The following DLGAP2 variants were observed in gnomAD, a reference collection of about 807,000 sequenced individuals.
DLGAP2 encodes DLG associated protein 2, also known as disks large-associated protein 2.
In DLGAP2, 26 loss-of-function variants were observed where a neutral mutation model predicts 100.3. The observed-to-expected ratio is 0.26, with a 90% CI of 0.19 to 0.36. The LOEUF (loss-of-function observed/expected upper bound fraction) is 0.36, where lower values mean the gene tolerates loss of function less well. DLGAP2 is among the 10% of genes least tolerant of loss of function. The pLI is 1.00. For missense variants in DLGAP2, 1,858 were observed against 1,453.2 expected (o/e 1.28, Z -4.53); for synonymous variants, 886 against 630.1 (o/e 1.41, Z -6.08).
intron 3 of DLGAP2, among the ~76,000 whole-genome samples, chr8:1,289,613 G>C (rs938672096): frequency 6.6e-6 from 1 of 152,182 alleles, no homozygotes; most frequent in Non-Finnish European, 1.5e-5. Context: ...TGTCCCTGGG[G>C]GCTGGCCTGG....
chr8:1,388,815 G>T lies in DLGAP2; in HGVS notation c.107-112551G>T, dbSNP rs1185063818. On this transcript the variant is annotated intron_variant, in intron 3 of 14. Coordinates refer to ENST00000637795, the MANE Select transcript of DLGAP2 (RefSeq NM_001346810.2). Reference sequence around the variant, plus strand: ...GTCAGGGCTGTGAGAGGCAGAGGCCGTGGATGAGGAGGCGCTGGTTCAGGT... The same window carrying T: ...GTCAGGGCTGTGAGAGGCAGAGGCCTTGGATGAGGAGGCGCTGGTTCAGGT... 3.2e-5 allele frequency among the ~76,000 whole-genome samples: 4 copies of T among 123,728 alleles called. No homozygotes were observed. The South Asian group carries it at 9.8e-4, about 30-fold the overall frequency. 81.2% of individuals were successfully genotyped at this position (123,728 alleles called of 152,430 possible). A position where few individuals can be genotyped will look rare whatever the true frequency, so the allele number is the denominator to read the frequency against.
chr8:960,237 C>CTTTTTTTTTTTTGTTTTTTTTTTTTT (rs1799692405), intron 2 of DLGAP2, among the ~76,000 whole-genome samples: 1 of 44,640 alleles, frequency 2.2e-5, no homozygotes, highest in African/African-American at 8.8e-5. Context: ...TGAAGTATAT[C>CTTTTTTTTTTTTGTTTTTTTTTTTTT]TTTTTTTTTT....
chr8:1,222,283 C>A (rs1041910833), intron 2 of DLGAP2, among the ~76,000 whole-genome samples: 1 of 152,084 alleles, frequency 6.6e-6, no homozygotes, highest in African/African-American at 2.4e-5. Context: ...GATGCCCTTG[C>A]GAGTTTGACT....
At chr8:1,435,319 C>T (rs1184279183) in intron 3 of DLGAP2, among the ~76,000 whole-genome samples, 2 of 152,192 alleles carry the variant, frequency 1.3e-5, no homozygotes, top group Admixed American at 6.5e-5. Flanking sequence ...GCTTTATAAC[C>T]TCCCACACCG....
intron 12 of DLGAP2, chr8:1,678,870 A>G (rs1384215448): frequency 1.3e-5 from 6 of 447,238 alleles, no homozygotes; most frequent in Non-Finnish European, 1.9e-5. Flanking sequence ...TTGAATAGAA[A>G]ATCAACTGTG....
At chr8:837,981 C>G (rs935240924) in intron 1 of DLGAP2, among the ~76,000 whole-genome samples, 1 of 151,074 alleles carries the variant, frequency 6.6e-6, no homozygotes, top group East Asian at 1.9e-4. Context: ...CCTGCCTTGG[C>G]CTCCCAAAGT....
At chr8:800,278 A>G (rs7009367) in intron 1 of DLGAP2, among the ~76,000 whole-genome samples, 38,180 of 152,160 alleles carry the variant, frequency 0.25, 6,040 homozygotes, top group African/African-American at 0.44. Flanking sequence ...ATGTACAGAC[A>G]TTGTGTTTTC....
chr8:968,191 C>G (rs923792046), intron 2 of DLGAP2, among the ~76,000 whole-genome samples: 2 of 152,048 alleles, frequency 1.3e-5, no homozygotes, highest in African/African-American at 4.8e-5. Context: ...CTGACTTTTA[C>G]TGAATACAAG....
chr8:1,139,588 T>A (rs1796485196), intron 2 of DLGAP2, among the ~76,000 whole-genome samples: 1 of 152,180 alleles, frequency 6.6e-6, no homozygotes, highest in Admixed American at 6.5e-5. Context: ...TGTGTGAATC[T>A]TGAGGGTACA....
chr8:1,322,233 A>G (rs1304393908), intron 3 of DLGAP2, among the ~76,000 whole-genome samples: 6 of 152,266 alleles, frequency 3.9e-5, no homozygotes, highest in Non-Finnish European at 8.8e-5. Flanking sequence ...CATTTAATAG[A>G]AATTCGAGTA....
chr8:1,594,934 G>C (rs1796403927), intron 6 of DLGAP2, among the ~76,000 whole-genome samples: 2 of 152,168 alleles, frequency 1.3e-5, no homozygotes, highest in Admixed American at 6.6e-5. Context: ...GGGGTCTCCA[G>C]CTGTCAGCAG....
intron 3 of DLGAP2, among the ~76,000 whole-genome samples, chr8:1,445,330 A>T (rs1404296534): frequency 1.2e-4 from 17 of 146,140 alleles, no homozygotes; most frequent in African/African-American, 3.8e-4. Context: ...ATGAGTGAGA[A>T]CATGCAGTGT....
chr8:1,560,795 A>G (rs1235071279), intron 5 of DLGAP2, among the ~76,000 whole-genome samples: 2 of 152,208 alleles, frequency 1.3e-5, no homozygotes, highest in Non-Finnish European at 2.9e-5. Flanking sequence ...TGAACAAAAC[A>G]TTGGCAAATG....
At chr8:927,070 T>A (rs1423544949) in intron 2 of DLGAP2, 6 of 985,050 alleles carry the variant, frequency 6.1e-6, no homozygotes, top group Non-Finnish European at 7.2e-6. Flanking sequence ...GTGGGAGAGA[T>A]CCTCGTGGGA....
intron 14 of DLGAP2, among the ~76,000 whole-genome samples, chr8:1,700,612 CT>C (rs1799539368): frequency 6.6e-6 from 1 of 151,298 alleles, no homozygotes; most frequent in African/African-American, 2.4e-5. Context: ...ATACTTGCGT[CT>C]TTTTACAAAG....
At chr8:1,635,555 C>G (rs994005591) in intron 8 of DLGAP2, among the ~76,000 whole-genome samples, 11 of 152,082 alleles carry the variant, frequency 7.2e-5, no homozygotes, top group African/African-American at 2.7e-4. Context: ...GATTGATTTT[C>G]TTTTATGATT....
intron 3 of DLGAP2, among the ~76,000 whole-genome samples, chr8:1,483,158 G>A (rs1385317466): frequency 6.6e-6 from 1 of 152,320 alleles, no homozygotes; most frequent in East Asian, 1.9e-4. Flanking sequence ...GCTGCTGGGC[G>A]TTTGCAGGGA....
intron 1 of DLGAP2, among the ~76,000 whole-genome samples, chr8:884,641 T>C (rs557140545): frequency 2.0e-5 from 3 of 152,334 alleles, no homozygotes; most frequent in East Asian, 3.9e-4. Flanking sequence ...TTTAATTAGA[T>C]CCCATTTGCC....
At chr8:1,165,178 G>T (rs1796990142) in intron 2 of DLGAP2, among the ~76,000 whole-genome samples, 2 of 149,708 alleles carry the variant, frequency 1.3e-5, no homozygotes, top group South Asian at 4.3e-4. Context: ...GAGAGAGAGG[G>T]AGGGTGGGAG....
Sources: gnomAD v4.1 joint callset for allele counts (sites outside exome capture counted in the v4.1 genomes callset) on GRCh38, gnomAD v4.1.1 for gene constraint, MANE v1.5 for transcripts, NCBI Gene and HGNC (gene_info 2026-07-23, HGNC 2026-07-21) for gene names.